The following TMEM106B variants were observed in gnomAD, a reference collection of about 807,000 sequenced individuals.
TMEM106B encodes the protein transmembrane protein 106B.
Under a neutral mutation model 31.1 loss-of-function variants are expected in TMEM106B, and 15 were observed. That is an observed-to-expected ratio of 0.48 (90% CI 0.32 to 0.74). The LOEUF (loss-of-function observed/expected upper bound fraction) is 0.74. TMEM106B is among the 30% of genes least tolerant of loss of function. The pLI, the probability that TMEM106B is intolerant of heterozygous loss-of-function variation, is 0.03. For synonymous variants in TMEM106B, 126 were observed against 112.5 expected (o/e 1.12, Z -0.76); for missense variants, 283 against 327.3 (o/e 0.86, Z 1.04).
At chr7:12,224,852 C>T (rs1234249663) in intron 4 of TMEM106B, among the ~76,000 whole-genome samples, 1 of 150,558 alleles carries the variant, frequency 6.6e-6, no homozygotes, top group Non-Finnish European at 1.5e-5. Flanking sequence ...TGTAAATTAG[C>T]ATATGTGAAA....
At chr7:12,231,229 C>A in intron 7 of TMEM106B, 114 bp downstream of exon 7, 1 of 759,978 alleles carries the variant, frequency 1.3e-6, no homozygotes, top group Non-Finnish European at 2.2e-6. Context: ...GGGTTTTAAG[C>A]CTTACAAGAG....
At position 12,221,087 on chromosome 7, in the gene TMEM106B, A is replaced by AGTGTGTGTGTGTGTGTGTGTGT. The variant is rs71027479; in HGVS notation, c.281+2569_281+2590dup. Reference sequence around the variant, plus strand: ...GAAGAGGGAGTGGATAAGCAAGTAAAGTGTGTGTGTGTGTGTGTGTGTGTC... The same window carrying AGTGTGTGTGTGTGTGTGTGTGT: ...GAAGAGGGAGTGGATAAGCAAGTAAAGTGTGTGTGTGTGTGTGTGTGTGTGTGTGTGTGTGTGTGTGTGTGTC... On this transcript the variant is annotated intron_variant, in intron 3 of 7. Coordinates refer to ENST00000396668, the MANE Select transcript of TMEM106B (RefSeq NM_001134232.2). Among the ~76,000 whole-genome samples, 161 of 150,060 alleles carry AGTGTGTGTGTGTGTGTGTGTGT rather than the reference A, an allele frequency of 1.1e-3. 1 individual carries two copies. The highest frequency in any genetic ancestry group is 3.7e-3 in the African/African-American group (150 of 40,732).
At position 12,214,947 on chromosome 7, in the gene TMEM106B, C is replaced by G; in HGVS notation, c.137C>G (p.Ser46Cys). The G allele has an allele frequency of 3.1e-6, 5 of 1,614,078 alleles. No individual in the cohort carries two copies. Among genetic ancestry groups the G allele is most frequent in the Non-Finnish European group, 3.4e-6 (4 of 1,179,964 alleles). ...GAAGATGGAAGAAATGGAGATGTCT[C>G]TCAGTTTCCATATGTGGAATTTACA... ...HNEDGRNGDV[S>C]QFPYVEFTGR... is the part of the protein sequence containing the mutation. The change falls in exon 2 of 8, where the codon TCT (serine) becomes TGT (cysteine). Residue 46 changes from serine (S) to cysteine (C), a missense_variant. This residue lies in a region of TMEM106B where 77 missense variants were observed against 89.4 expected (regional missense o/e 0.86). Transcript: ENST00000396668.
Position 12,224,372 on chromosome 7 carries a change from A to C in TMEM106B, c.428A>C (p.Tyr143Ser). 6.2e-7 allele frequency: 1 copy of C among 1,608,222 alleles called. No homozygotes were observed. Among genetic ancestry groups the C allele is most frequent in the Non-Finnish European group, 8.5e-7 (1 of 1,175,522 alleles). Reference protein sequence around the residue: ...VSYDVQKRTIYLNITNTLNIT... With the variant: ...VSYDVQKRTISLNITNTLNIT... ...TATGATGTTCAGAAGCGTACAATTT[A>C]TTTAAATATCACAGTGAGTATAAAT... is the stretch of plus-strand genomic sequence containing the variant. Residue 143 changes from tyrosine (Y) to serine (S), a missense_variant, in exon 4 of 8, where the codon TAT becomes TCT. Around this residue, in one of 3 missense-constraint regions of TMEM106B, gnomAD observed 201 missense variants for 211.5 expected, o/e 0.95. Coordinates refer to ENST00000396668, the MANE Select transcript of TMEM106B (RefSeq NM_001134232.2).
chr7:12,241,695 A>G lies in TMEM106B; in HGVS notation c.*9720A>G, dbSNP rs763857567. The stretch of plus-strand genomic sequence containing the variant: ...GTTCCAAGTCTTTACTATTGTGAAC[A>G]GTGCTGCAATAAACATATGTGTGTA... On this transcript the variant is annotated 3_prime_UTR_variant, in exon 8 of 8. Coordinates refer to ENST00000396668, the MANE Select transcript of TMEM106B (RefSeq NM_001134232.2). 1.3e-5 allele frequency: 2 copies of G among 152,224 alleles called. No homozygotes were observed. The highest frequency in any genetic ancestry group is 2.4e-5 in the African/African-American group (1 of 41,458). The allele number at this position is 152,224 out of a possible 1,614,324, so 9.4% of individuals were successfully genotyped here.
At chr7:12,223,866 G>A (rs781491164) in intron 3 of TMEM106B, among the ~76,000 whole-genome samples, 4 of 151,854 alleles carry the variant, frequency 2.6e-5, no homozygotes, top group East Asian at 1.9e-4. Flanking sequence ...GATTACAGGC[G>A]CACACCACCA....
Position 12,232,141 on chromosome 7 carries a change from C to T in TMEM106B, c.*166C>T, listed in dbSNP as rs1782038916. On this transcript the variant is annotated 3_prime_UTR_variant, in exon 8 of 8. Coordinates refer to ENST00000396668, the MANE Select transcript of TMEM106B (RefSeq NM_001134232.2). The stretch of plus-strand genomic sequence containing the variant: ...GACCTGCAGTTCTTGTAACTCTCCA[C>T]TCTGTGTTAATGATATATTTGTACT... 1.9e-6 allele frequency: 1 copy of T among 527,018 alleles called. No homozygotes were observed. The highest frequency in any genetic ancestry group is 3.3e-6 in the Non-Finnish European group (1 of 306,914). The allele number at this position is 527,018 out of a possible 1,614,324, so 32.6% of individuals were successfully genotyped here. A position where few individuals can be genotyped will look rare whatever the true frequency, so the allele number is the denominator to read the frequency against.
Position 12,233,867 on chromosome 7 carries a change from C to T in TMEM106B, c.*1892C>T, listed in dbSNP as rs911505228. 4 of 151,388 alleles carry T rather than the reference C, an allele frequency of 2.6e-5. No homozygotes were observed. Among genetic ancestry groups the T allele is most frequent in the African/African-American group, 9.7e-5 (4 of 41,310 alleles). 9.4% of individuals were successfully genotyped at this position (151,388 alleles called of 1,614,324 possible). On this transcript the variant is annotated 3_prime_UTR_variant, in exon 8 of 8. Transcript: ENST00000396668. The stretch of plus-strand genomic sequence containing the variant: ...TTTAATTATGTGACTTCAAAAATCA[C>T]CTGTATCTGTAGTAGGGCTTCCAAA...
rs373438435 is a variant in TMEM106B, at chr7:12,231,903, C to G, written c.753C>G (p.Val251=). 3.7e-6 allele frequency: 6 copies of G among 1,612,182 alleles called. No homozygotes were observed. The African/African-American group carries it at 5.3e-5, about 14-fold the overall frequency. Residue 251 remains valine, a synonymous_variant, in exon 8 of 8, where the codon GTC becomes GTG. Coordinates refer to ENST00000396668, the MANE Select transcript of TMEM106B (RefSeq NM_001134232.2). ...TATCCCAGGAGAGGTATCAGTATGTCGACTGTGGAAGAAACACAACTTATC... is the reference window on the plus strand; with the variant it reads ...TATCCCAGGAGAGGTATCAGTATGTGGACTGTGGAAGAAACACAACTTATC... ...EQISQERYQY[V]DCGRNTTYQL...
At chr7:12,225,988 A>C (rs772462408) in intron 4 of TMEM106B, among the ~76,000 whole-genome samples, 2 of 152,010 alleles carry the variant, frequency 1.3e-5, no homozygotes, top group Non-Finnish European at 2.9e-5. Flanking sequence ...TTATGGTTTT[A>C]GGTTTTTTAA....
At chr7:12,214,542 G>A (rs185689027) in intron 1 of TMEM106B, 41 of 405,004 alleles carry the variant, frequency 1.0e-4, no homozygotes, top group African/African-American at 7.8e-4. Flanking sequence ...TACATCTATT[G>A]ATTTATGCCT....
At chr7:12,215,666 C>A in intron 2 of TMEM106B, 1 of 366,876 alleles carries the variant, frequency 2.7e-6, no homozygotes, top group South Asian at 2.3e-5. Context: ...GATCATCCAG[C>A]CTTGGCCTCC....
intron 3 of TMEM106B, among the ~76,000 whole-genome samples, chr7:12,221,381 A>C (rs1317719848): frequency 1.3e-5 from 2 of 152,156 alleles, no homozygotes. Flanking sequence ...TAGTTTGGAA[A>C]TTTTATACTT....
chr7:12,212,081 G>A (rs1781590472), intron 1 of TMEM106B, among the ~76,000 whole-genome samples: 1 of 152,138 alleles, frequency 6.6e-6, no homozygotes, highest in Non-Finnish European at 1.5e-5. Context: ...AGAAGGCAAG[G>A]GATTCCCAGT....
rs529020920 is a variant in TMEM106B, at chr7:12,239,809, A to C, written c.*7834A>C. 7.2e-5 allele frequency: 11 copies of C among 152,316 alleles called. No individual in the cohort carries two copies. The highest frequency in any genetic ancestry group is 1.0e-4 in the Non-Finnish European group (7 of 68,016). 9.4% of individuals were successfully genotyped at this position (152,316 alleles called of 1,614,324 possible). On this transcript the variant is annotated 3_prime_UTR_variant, in exon 8 of 8. Coordinates refer to ENST00000396668, the MANE Select transcript of TMEM106B (RefSeq NM_001134232.2). ...GCTGCCTCCAAATACTTACAAAAAC[A>C]TCAAAGATCACTGATTACAGATCAT... is the stretch of plus-strand genomic sequence containing the variant.
chr7:12,233,254 T>C lies in TMEM106B; in HGVS notation c.*1279T>C, dbSNP rs1782063742. The stretch of plus-strand genomic sequence containing the variant: ...TTTTTCATTTTTTTTTTTTTTTGTC[T>C]TTTCACTTACCAAGTTCTAGGGACA... On this transcript the variant is annotated 3_prime_UTR_variant, in exon 8 of 8. Coordinates refer to ENST00000396668, the MANE Select transcript of TMEM106B (RefSeq NM_001134232.2). 1 of 150,706 alleles carries C rather than the reference T, an allele frequency of 6.6e-6. No homozygotes were observed. The highest frequency in any genetic ancestry group is 1.5e-5 in the Non-Finnish European group (1 of 67,442). 9.3% of individuals were successfully genotyped at this position (150,706 alleles called of 1,614,324 possible).
Position 12,231,144 on chromosome 7 carries a change from T to A in TMEM106B, c.686+29T>A, listed in dbSNP as rs2302634. 0.44 allele frequency: 667,681 copies of A among 1,520,864 alleles called. 153,242 individuals are homozygous for A. The highest frequency in any genetic ancestry group is 0.66 in the African/African-American group (47,544 of 71,644). The allele number at this position is 1,520,864 out of a possible 1,614,324, so 94.2% of individuals were successfully genotyped here. On this transcript the variant is annotated intron_variant, in intron 7 of 7. Transcript: ENST00000396668. ...AGTACAAATCTTTTTTGAAAGAGATTTTGCTTGTTAACATTTTGGATTTAT... is the reference window on the plus strand; with the variant it reads ...AGTACAAATCTTTTTTGAAAGAGATATTGCTTGTTAACATTTTGGATTTAT...
At chr7:12,220,067 G>A (rs190610437) in intron 3 of TMEM106B, among the ~76,000 whole-genome samples, 1 of 152,264 alleles carries the variant, frequency 6.6e-6, no homozygotes, top group Admixed American at 6.5e-5. Flanking sequence ...TAGAAAATCA[G>A]ATTGACATGC....
rs917884857 is a variant in TMEM106B, at chr7:12,224,223, C to T, written c.282-3C>T. The T allele has an allele frequency of 1.2e-6, 2 of 1,609,002 alleles. No individual in the cohort carries two copies. The highest frequency in any genetic ancestry group is 1.7e-6 in the Non-Finnish European group (2 of 1,176,850). Reference sequence around the variant, plus strand: ...TACTTAAATACCCTCTTTTCCTTTTCAGAAAGCTGTATGTGATGGCTTCTG... The same window carrying T: ...TACTTAAATACCCTCTTTTCCTTTTTAGAAAGCTGTATGTGATGGCTTCTG... On this transcript the variant is annotated splice_region_variant and splice_polypyrimidine_tract_variant and intron_variant, in intron 3 of 7. Coordinates refer to ENST00000396668, the MANE Select transcript of TMEM106B (RefSeq NM_001134232.2).
Sources: gnomAD v4.1 joint callset for allele counts (sites outside exome capture counted in the v4.1 genomes callset) on GRCh38, gnomAD v4.1.1 for gene constraint, gnomAD v4.1.1 regional missense constraint, MANE v1.5 for transcripts, NCBI Gene and HGNC (gene_info 2026-07-23, HGNC 2026-07-21) for gene names.